MEIS1: variants seen among roughly 807,000 people sequenced by gnomAD.
The protein encoded by MEIS1 is Meis homeobox 1, also known as homeobox protein Meis1.
In MEIS1, 5 loss-of-function variants were observed where a neutral mutation model predicts 50.8. The ratio of observed to expected loss-of-function variants is 0.10; its 90% confidence interval spans 0.05 to 0.21. The LOEUF is 0.21. MEIS1 is among the 10% of genes least tolerant of loss of function. MEIS1 has a pLI of 1.00. For synonymous variants in MEIS1, 176 were observed against 179.3 expected, an observed-to-expected ratio of 0.98 and a Z score of 0.15; for missense variants, 318 against 517.3, an observed-to-expected ratio of 0.61 and a Z score of 3.74.
At chr2:66,571,071 C>T (rs1675475176) in intron 12 of MEIS1, 175 bp from the exon 13 acceptor site, 4 of 657,702 alleles carry the variant, frequency 6.1e-6, no homozygotes, top group African/African-American at 1.9e-5. Context: ...TGTGAGTTTC[C>T]AGCATGATGT....
chr2:66,523,528 A>G (rs1051312301), intron 8 of MEIS1, among the ~76,000 whole-genome samples: 1 of 152,240 alleles, frequency 6.6e-6, no homozygotes, highest in Non-Finnish European at 1.5e-5. Flanking sequence ...CCCACAAGGA[A>G]ACATCTTCAT....
chr2:66,473,397 A>AATATATATATAT (rs1553373466), intron 7 of MEIS1, among the ~76,000 whole-genome samples: 242 of 106,988 alleles, frequency 2.3e-3, no homozygotes, highest in Middle Eastern at 9.0e-3. Flanking sequence ...AAAAAAAAAA[A>AATATATATATAT]ATATATATAT....
intron 7 of MEIS1, among the ~76,000 whole-genome samples, chr2:66,465,764 A>T (rs975714040): frequency 1.3e-5 from 2 of 152,210 alleles, no homozygotes; most frequent in Non-Finnish European, 2.9e-5. Context: ...TTGAATTTAA[A>T]ATTGTAATGC....
chr2:66,459,216 G>A (rs1672465083), intron 6 of MEIS1, among the ~76,000 whole-genome samples: 1 of 152,106 alleles, frequency 6.6e-6, no homozygotes, highest in South Asian at 2.1e-4. Context: ...GGTCAGGCAG[G>A]GCAGAGCAAG....
intron 7 of MEIS1, among the ~76,000 whole-genome samples, chr2:66,473,027 G>C (rs1672798864): frequency 6.6e-6 from 1 of 152,010 alleles, no homozygotes; most frequent in Admixed American, 6.6e-5. Context: ...GGACTACAAG[G>C]GCAGTGAATT....
intron 9 of MEIS1, among the ~76,000 whole-genome samples, chr2:66,555,723 C>T (rs1314065022): frequency 6.6e-6 from 1 of 152,128 alleles, no homozygotes; most frequent in African/African-American, 2.4e-5. Flanking sequence ...GCGCAGTACC[C>T]AGAGAGACCC....
At chr2:66,528,193 GC>G (rs1312782698) in intron 8 of MEIS1, among the ~76,000 whole-genome samples, 1 of 152,172 alleles carries the variant, frequency 6.6e-6, no homozygotes, top group Non-Finnish European at 1.5e-5. Context: ...TCCAGAGAGT[GC>G]CAAGAGAGAA....
At chr2:66,568,358 T>C in intron 10 of MEIS1, 1 of 276,192 alleles carries the variant, frequency 3.6e-6, no homozygotes, top group South Asian at 4.5e-5. Flanking sequence ...AGCATCGCAT[T>C]GAGGCAACAC....
At chr2:66,455,423 G>T (rs538752365) in intron 6 of MEIS1, among the ~76,000 whole-genome samples, 2 of 152,324 alleles carry the variant, frequency 1.3e-5, no homozygotes, top group South Asian at 2.1e-4. Flanking sequence ...TGGGCAAAAA[G>T]TATCAGTGCT....
chr2:66,526,567 A>G (rs1674256444), intron 8 of MEIS1, among the ~76,000 whole-genome samples: 2 of 152,218 alleles, frequency 1.3e-5, no homozygotes, highest in African/African-American at 4.8e-5. Context: ...CTATTCTGGA[A>G]GCCATGGGAG....
chr2:66,479,788 G>C (rs927201184), intron 7 of MEIS1, among the ~76,000 whole-genome samples: 1 of 152,120 alleles, frequency 6.6e-6, no homozygotes, highest in Admixed American at 6.5e-5. Context: ...TTAAGCTCCA[G>C]ATTTGAATCA....
intron 2 of MEIS1, 45 bp downstream of exon 2, chr2:66,438,008 T>C (rs369087565): frequency 6.8e-7 from 1 of 1,477,880 alleles, no homozygotes; most frequent in Admixed American, 2.1e-5. Flanking sequence ...ACTCAACGCT[T>C]CCCTCTTTCT....
chr2:66,544,868 T>C (rs11897119), intron 8 of MEIS1, among the ~76,000 whole-genome samples: 56,158 of 151,980 alleles, frequency 0.37, 10,771 homozygotes, highest in Middle Eastern at 0.41. Flanking sequence ...AAGAAACAAC[T>C]GAAATTTGCA....
chr2:66,564,363 GT>G (rs1675288441), intron 9 of MEIS1, among the ~76,000 whole-genome samples: 1 of 152,140 alleles, frequency 6.6e-6, no homozygotes, highest in Non-Finnish European at 1.5e-5. Flanking sequence ...CTAAGAGGCT[GT>G]GGTATTTTTT....
intron 7 of MEIS1, among the ~76,000 whole-genome samples, chr2:66,481,935 A>ACCTC (rs1482082729): frequency 2.1e-5 from 3 of 142,992 alleles, no homozygotes; most frequent in Admixed American, 7.3e-5. Context: ...GCTTACTGCA[A>ACCTC]CCTCCGCCTT....
intron 7 of MEIS1, chr2:66,496,004 G>C (rs1673393671): frequency 6.6e-6 from 1 of 152,332 alleles, no homozygotes; most frequent in Non-Finnish European, 1.5e-5. Context: ...GGGAAGAGAT[G>C]ATCATCCCTC....
intron 8 of MEIS1, among the ~76,000 whole-genome samples, chr2:66,530,696 A>T (rs1453614667): frequency 6.9e-6 from 1 of 144,722 alleles, no homozygotes; most frequent in East Asian, 2.1e-4. Flanking sequence ...AGCCTGGGTG[A>T]CAGAGCAAGA....
At chr2:66,568,514 C>A in intron 10 of MEIS1, 153 bp from the exon 11 acceptor site, 1 of 434,510 alleles carries the variant, frequency 2.3e-6, no homozygotes, top group Non-Finnish European at 4.1e-6. Flanking sequence ...TAGATCTAGT[C>A]TGAGAGAAAT....
intron 7 of MEIS1, among the ~76,000 whole-genome samples, chr2:66,503,736 ATTTTTTTTTT>A (rs70943702): frequency 3.9e-5 from 3 of 77,826 alleles, no homozygotes; most frequent in Admixed American, 1.7e-4. Flanking sequence ...TATATGGGGC[ATTTTTTTTTT>A]TTTTTTTTTT....
Sources: allele counts gnomAD v4.1 joint callset (sites outside exome capture counted in the v4.1 genomes callset), GRCh38; gene constraint gnomAD v4.1.1; transcripts MANE v1.5; gene names NCBI Gene and HGNC (gene_info 2026-07-23, HGNC 2026-07-21).